COL16A1: variants seen among roughly 807,000 people sequenced by gnomAD.
The protein encoded by COL16A1 is collagen alpha-1(XVI) chain.
COL16A1 carries 189 observed loss-of-function variants against 266.3 expected under a neutral mutation model. The observed-to-expected ratio is 0.71, with a 90% CI of 0.63 to 0.80. The LOEUF is 0.80. Among genes scored for constraint, COL16A1 ranks in the 30% least tolerant of loss-of-function variants. The pLI is 0.00. For missense variants in COL16A1, 1,928 were observed against 2,122.4 expected (o/e 0.91, Z 1.80); for synonymous variants, 740 against 782.3 (o/e 0.95, Z 0.90).
In COL16A1 at chr1:31,690,515, T is replaced by C. The variant is rs1220954440; in HGVS notation, c.1482+14A>G. On this transcript the variant is annotated intron_variant, in intron 21 of 70. Transcript: ENST00000373672. ...GAAGAGCCGACCCTCCCCCGCTGGATTGGTGTCACTCACAGGTTTCCCACC... is the reference window on the plus strand; with the variant it reads ...GAAGAGCCGACCCTCCCCCGCTGGACTGGTGTCACTCACAGGTTTCCCACC... 4 of 1,613,866 alleles carry C rather than the reference T, an allele frequency of 2.5e-6. No homozygotes were observed. Among genetic ancestry groups the C allele is most frequent in the Non-Finnish European group, 3.4e-6 (4 of 1,179,916 alleles).
intron 58 of COL16A1, 50 bp from the exon 59 acceptor site, chr1:31,661,754 A>G (rs201206078): frequency 7.7e-5 from 120 of 1,566,720 alleles, no homozygotes; most frequent in Non-Finnish European, 1.0e-4. Context: ...CCCAGCTTGT[A>G]TCCAACTCAT....
At chr1:31,654,649 C>T in intron 68 of COL16A1, 143 bp downstream of exon 68, 1 of 1,478,372 alleles carries the variant, frequency 6.8e-7, no homozygotes, top group East Asian at 2.3e-5. Context: ...TGAACATCTG[C>T]CTGTCAACCC....
At position 31,688,814 on chromosome 1, in the gene COL16A1, G is replaced by A. The variant is rs779438210; in HGVS notation, c.1767+47C>T. On this transcript the variant is annotated intron_variant, in intron 25 of 70. Coordinates refer to ENST00000373672, the MANE Select transcript of COL16A1 (RefSeq NM_001856.4). This position sits in a 1 kb window ranked among gnomAD's most constrained non-coding sequence, Gnocchi z 4.9. ...AAAAGCCAGGGAGATCAACAGTATG[G>A]CAAGGATGGCTGAACTGGGCTGGGC... 6.4e-7 allele frequency: 1 copy of A among 1,559,388 alleles called. No individual in the cohort carries two copies. The highest frequency in any genetic ancestry group is 8.8e-7 in the Non-Finnish European group (1 of 1,142,750).
rs1644653507 is a variant in COL16A1, at chr1:31,699,826, T to C, written c.253A>G (p.Thr85Ala). The C allele has an allele frequency of 1.4e-5, 23 of 1,609,574 alleles. No individual in the cohort carries two copies. The highest frequency in any genetic ancestry group is 1.9e-5 in the Non-Finnish European group (22 of 1,176,186). ...GGATGCATTTACCGCGTGGGCTGGG[T>C]CACGGGGGCCGCCCCCAGGCGCAGG... ...LILRLGAAPV[T>A]QPTRRVFPRG... Residue 85 changes from threonine to alanine, a missense_variant, in exon 4 of 71, where the codon ACC (threonine) becomes GCC (alanine). Thr to Ala is a moderately conservative substitution (Grantham distance 58). This residue lies in a region of COL16A1 where 1,552 missense variants were observed against 1,637.2 expected (regional missense o/e 0.95). Transcript: ENST00000373672.
rs1311204359 is a variant in COL16A1 at position 31,668,427 on chromosome 1, C to T, written c.3250-209G>A. On this transcript the variant is annotated intron_variant, in intron 50 of 70. Coordinates refer to ENST00000373672, the MANE Select transcript of COL16A1 (RefSeq NM_001856.4). The surrounding 1 kb of genome is among the most constrained non-coding windows in gnomAD (Gnocchi z 5.8). ...AGACCTGGGCTGGGGAGGCGAACCC[C>T]AGCCTGGCCCAGACCCTGAGAGCTG... 6.6e-6 allele frequency among the ~76,000 whole-genome samples: 1 copy of T among 152,170 alleles called. No individual in the cohort carries two copies. Among genetic ancestry groups the T allele is most frequent in the African/African-American group, 2.4e-5 (1 of 41,430 alleles).
At chr1:31,672,085 G>T (rs796977710) in intron 47 of COL16A1, among the ~76,000 whole-genome samples, 1 of 152,198 alleles carries the variant, frequency 6.6e-6, no homozygotes, top group East Asian at 1.9e-4. Context: ...AAGGGGACTG[G>T]AGGCTCTGGG....
chr1:31,655,047 G>A (rs1007569410), intron 67 of COL16A1, among the ~76,000 whole-genome samples, 189 bp from the exon 68 acceptor site: 1 of 134,996 alleles, frequency 7.4e-6, no homozygotes, highest in African/African-American at 2.7e-5. Context: ...GCAGTGGCGC[G>A]ATCTTGGCTC....
At chr1:31,662,550 C>T (rs1288766396) in intron 57 of COL16A1, 37 bp downstream of exon 57, 5 of 1,555,158 alleles carry the variant, frequency 3.2e-6, no homozygotes, top group African/African-American at 1.4e-5. Flanking sequence ...GCGCATGCAT[C>T]GCACACGTCT....
rs1274713436 is a variant in COL16A1 at position 31,684,096 on chromosome 1, G to T, written c.2283+13C>A. On this transcript the variant is annotated intron_variant, in intron 32 of 70. Coordinates refer to ENST00000373672, the MANE Select transcript of COL16A1 (RefSeq NM_001856.4). ...AGCCCAGGCAGGGAAGGGCCGGAGG[G>T]CAGGCAACTCACGGGTTTACCAGGT... 6.2e-7 allele frequency: 1 copy of T among 1,602,412 alleles called. No individual in the cohort carries two copies. Among genetic ancestry groups the T allele is most frequent in the Non-Finnish European group, 8.5e-7 (1 of 1,173,796 alleles).
At chr1:31,691,906 T>A (rs1451985566) in intron 17 of COL16A1, 99 bp downstream of exon 17, 1 of 1,572,492 alleles carries the variant, frequency 6.4e-7, no homozygotes, top group Non-Finnish European at 8.7e-7. Flanking sequence ...CCCCACCCTG[T>A]CTGAGCAAGG....
intron 26 of COL16A1, among the ~76,000 whole-genome samples, chr1:31,686,992 G>A (rs926929164): frequency 2.6e-5 from 4 of 152,202 alleles, no homozygotes; most frequent in Admixed American, 1.3e-4. Flanking sequence ...TGGGGCATCC[G>A]GGGTCCTGTG....
chr1:31,667,483 C>T, intron 52 of COL16A1, 92 bp downstream of exon 52: 1 of 1,102,420 alleles, frequency 9.1e-7, no homozygotes, highest in Non-Finnish European at 1.3e-6. Context: ...GGTCACGATC[C>T]TCCCCTTCAC....
chr1:31,672,346 C>T lies in COL16A1; in HGVS notation c.3105+70G>A, dbSNP rs1642792400. Reference sequence around the variant, plus strand: ...CATCAGTCAGGTGAGGCCTCGGAGGCCCCCAAGAGGTCTCAAAGGCAGACA... The same window carrying T: ...CATCAGTCAGGTGAGGCCTCGGAGGTCCCCAAGAGGTCTCAAAGGCAGACA... On this transcript the variant is annotated intron_variant, in intron 47 of 70. Transcript: ENST00000373672. 142 of 1,575,092 alleles carry T rather than the reference C, an allele frequency of 9.0e-5. 1 individual carries two copies. The highest frequency in any genetic ancestry group is 1.2e-4 in the Non-Finnish European group (136 of 1,152,300).
At chr1:31,680,291 G>C (rs998236675) in intron 39 of COL16A1, among the ~76,000 whole-genome samples, 190 bp from the exon 40 acceptor site, 2 of 152,174 alleles carry the variant, frequency 1.3e-5, no homozygotes, top group African/African-American at 4.8e-5. Flanking sequence ...TGTAAAATGG[G>C]AACAATAATT....
At chr1:31,695,681 G>T in intron 10 of COL16A1, 80 bp downstream of exon 10, 2 of 1,379,366 alleles carry the variant, frequency 1.4e-6, no homozygotes, top group Non-Finnish European at 2.1e-6. Context: ...GCACCCCTAT[G>T]CTGAGGATCC....
chr1:31,667,478 C>T (rs1298254498), intron 52 of COL16A1, 97 bp downstream of exon 52: 15 of 1,056,042 alleles, frequency 1.4e-5, no homozygotes, highest in Middle Eastern at 3.0e-4. Flanking sequence ...GCAGGGGTCA[C>T]GATCCTCCCC....
intron 8 of COL16A1, among the ~76,000 whole-genome samples, chr1:31,696,536 C>T (rs74549178): frequency 0.022 from 3,409 of 152,328 alleles, 118 homozygotes; most frequent in African/African-American, 0.078. Flanking sequence ...GGTGTAAAAC[C>T]AGTCTGGCCC....
rs201512515 is a variant in COL16A1, at chr1:31,682,976, G to C, written c.2496C>G (p.Thr832=). ...AQGSPGVKGA[T]GPVGPPGASV... ...TGGCCCCAGGAGGTCCCACAGGTCC[G>C]GTGGCTCCTTTCACCCCTGGAGATC... Residue 832 remains threonine, a synonymous_variant, in exon 37 of 71, where the codon ACC becomes ACG. Coordinates refer to ENST00000373672, the MANE Select transcript of COL16A1 (RefSeq NM_001856.4). The C allele has an allele frequency of 3.2e-5, 51 of 1,613,844 alleles. 1 individual carries two copies. Among genetic ancestry groups the C allele is most frequent in the Non-Finnish European group, 1.9e-5 (23 of 1,180,000 alleles).
Position 31,656,506 on chromosome 1 carries a change from G to A in COL16A1, c.4057-62C>T. 1 of 1,589,928 alleles carries A rather than the reference G, an allele frequency of 6.3e-7. No homozygotes were observed. Among genetic ancestry groups the A allele is most frequent in the Non-Finnish European group, 8.6e-7 (1 of 1,168,276 alleles). On this transcript the variant is annotated intron_variant, in intron 65 of 70. Transcript: ENST00000373672. The surrounding 1 kb of genome is among the most constrained non-coding windows in gnomAD (Gnocchi z 4.2). ...AGCATCTCTGAGGCTCCCTGGGGAG[G>A]CAGGTGCAGTGAAGAGGCCCCTTCC...
Sources: gnomAD v4.1 joint callset for allele counts (sites outside exome capture counted in the v4.1 genomes callset) on GRCh38, gnomAD v4.1.1 for gene constraint, gnomAD v4.1.1 regional missense constraint, Gnocchi (gnomAD v3.1) non-coding constraint, MANE v1.5 for transcripts, NCBI Gene and HGNC (gene_info 2026-07-23, HGNC 2026-07-21) for gene names.